The following COL24A1 variants were observed in gnomAD, a reference collection of about 807,000 sequenced individuals.
COL24A1 encodes collagen alpha-1(XXIV) chain.
COL24A1 carries 224 observed loss-of-function variants against 253.9 expected under a neutral mutation model. That is an observed-to-expected ratio of 0.88 (90% CI 0.79 to 0.99). COL24A1 has a LOEUF of 0.99. COL24A1 is among the 50% of genes least tolerant of loss of function. The probability of loss-of-function intolerance (pLI) is 0.00; values close to 1 mark genes in which losing one functional copy is unlikely to be tolerated. For synonymous variants in COL24A1, 685 were observed against 673.7 expected, an observed-to-expected ratio of 1.02 and a Z score of -0.26; for missense variants, 2,131 against 2,068.5, an observed-to-expected ratio of 1.03 and a Z score of -0.59.
chr1:85,926,984 G>T (rs1181780699), intron 24 of COL24A1, among the ~76,000 whole-genome samples: 1 of 152,210 alleles, frequency 6.6e-6, no homozygotes, highest in Non-Finnish European at 1.5e-5. Context: ...GCAATCACCA[G>T]GTTGATGGTA....
chr1:86,037,386 A>G (rs1699119767), intron 12 of COL24A1, among the ~76,000 whole-genome samples: 1 of 152,198 alleles, frequency 6.6e-6, no homozygotes, highest in African/African-American at 2.4e-5. Context: ...GCCTGGAGCT[A>G]GAGACTTCTC....
chr1:85,985,005 AT>A (rs1289804624), intron 20 of COL24A1, among the ~76,000 whole-genome samples: 1 of 151,934 alleles, frequency 6.6e-6, no homozygotes, highest in African/African-American at 2.4e-5. Context: ...TCACTGAGTT[AT>A]TTATATGTGC....
At chr1:85,917,928 G>A (rs1215219126) in intron 24 of COL24A1, among the ~76,000 whole-genome samples, 2 of 152,020 alleles carry the variant, frequency 1.3e-5, no homozygotes, top group Non-Finnish European at 2.9e-5. Context: ...AGCTGGTCTC[G>A]AACTCCTGAC....
At chr1:86,080,552 T>C (rs1232883121) in intron 7 of COL24A1, among the ~76,000 whole-genome samples, 1 of 152,106 alleles carries the variant, frequency 6.6e-6, no homozygotes, top group Non-Finnish European at 1.5e-5. Context: ...CCCATGAATA[T>C]ATACACTTAC....
At position 85,763,616 on chromosome 1, in the gene COL24A1, C is replaced by T. The variant is rs924608372; in HGVS notation, c.4375-2050G>A. 4.0e-5 allele frequency among the ~76,000 whole-genome samples: 6 copies of T among 151,002 alleles called. No homozygotes were observed. In the East Asian group the frequency reaches 8.0e-4, roughly 20 times the overall value. ...AAGTCATTCTCCTGCCTCAGCCTTC[C>T]GAGTAGCTGGGACTACAGGCGTGCG... On this transcript the variant is annotated intron_variant, in intron 53 of 59. Transcript: ENST00000370571.
intron 37 of COL24A1, among the ~76,000 whole-genome samples, chr1:85,851,124 T>C (rs1677724499): frequency 6.6e-6 from 1 of 151,844 alleles, no homozygotes; most frequent in Admixed American, 6.6e-5. Context: ...TCTTGAATTT[T>C]ATTGTTCCTA....
chr1:86,082,928 C>T (rs1430577435), intron 7 of COL24A1, among the ~76,000 whole-genome samples: 4 of 151,824 alleles, frequency 2.6e-5, no homozygotes, highest in Non-Finnish European at 4.4e-5. Context: ...ATCATGTGGA[C>T]GCTCAAAATA....
intron 10 of COL24A1, among the ~76,000 whole-genome samples, chr1:86,055,990 C>G (rs1434354880): frequency 6.6e-6 from 1 of 151,672 alleles, no homozygotes; most frequent in South Asian, 2.1e-4. Flanking sequence ...TGGTGGCAGG[C>G]GCCTGTAGTC....
At chr1:85,788,177 A>G (rs1669881775) in intron 47 of COL24A1, among the ~76,000 whole-genome samples, 1 of 151,254 alleles carries the variant, frequency 6.6e-6, no homozygotes, top group South Asian at 2.1e-4. Context: ...TGCAAGCTCC[A>G]CCTCCTGGGT....
intron 57 of COL24A1, among the ~76,000 whole-genome samples, chr1:85,742,538 G>A (rs1664764448): frequency 6.6e-6 from 1 of 152,052 alleles, no homozygotes; most frequent in South Asian, 2.1e-4. Context: ...CCCTTACTTA[G>A]GATCTCCTTC....
intron 13 of COL24A1, among the ~76,000 whole-genome samples, chr1:86,032,444 C>T (rs1326808681): frequency 1.3e-5 from 2 of 151,956 alleles, no homozygotes; most frequent in Admixed American, 1.3e-4. Context: ...GTAAAGGCAC[C>T]ATAAAAATGT....
At chr1:85,857,567 T>C (rs1678585453) in intron 37 of COL24A1, among the ~76,000 whole-genome samples, 1 of 151,786 alleles carries the variant, frequency 6.6e-6, no homozygotes, top group South Asian at 2.1e-4. Flanking sequence ...AAGATTACCC[T>C]GTCCCAATTA....
At chr1:85,826,751 C>T (rs1391412036) in intron 43 of COL24A1, among the ~76,000 whole-genome samples, 1 of 151,452 alleles carries the variant, frequency 6.6e-6, no homozygotes, top group Non-Finnish European at 1.5e-5. Context: ...TATAAGAATG[C>T]TTGTGATTTT....
At chr1:86,002,885 C>G (rs1357916782) in intron 19 of COL24A1, among the ~76,000 whole-genome samples, 1 of 152,130 alleles carries the variant, frequency 6.6e-6, no homozygotes, top group Non-Finnish European at 1.5e-5. Context: ...AGGAGCAAAC[C>G]ATTCTATACC....
intron 41 of COL24A1, among the ~76,000 whole-genome samples, 196 bp from the exon 42 acceptor site, chr1:85,841,474 G>GT (rs1462759929): frequency 6.6e-6 from 1 of 151,982 alleles, no homozygotes; most frequent in Non-Finnish European, 1.5e-5. Context: ...CTTCTTGGAG[G>GT]TATCAATCTC....
chr1:85,896,093 T>C, intron 29 of COL24A1, 28 bp from the exon 30 acceptor site: 1 of 1,607,370 alleles, frequency 6.2e-7, no homozygotes, highest in Non-Finnish European at 8.5e-7. Context: ...CCAGGTGAGT[T>C]AGTAAGAATG....
At chr1:85,805,365 A>G (rs1671856336) in intron 47 of COL24A1, among the ~76,000 whole-genome samples, 1 of 152,230 alleles carries the variant, frequency 6.6e-6, no homozygotes, top group South Asian at 2.1e-4. Context: ...AGATGATATT[A>G]TCTACCTAAA....
chr1:85,922,592 T>TA (rs1686646836), intron 24 of COL24A1, among the ~76,000 whole-genome samples: 1 of 152,078 alleles, frequency 6.6e-6, no homozygotes, highest in Non-Finnish European at 1.5e-5. Context: ...GAAGGAGAAA[T>TA]AAAATCCTTT....
intron 31 of COL24A1, among the ~76,000 whole-genome samples, chr1:85,895,122 T>C (rs1274046401): frequency 1.3e-5 from 2 of 152,196 alleles, no homozygotes; most frequent in African/African-American, 4.8e-5. Context: ...ACATGTACTA[T>C]CTTACATGTC....
Sources: gnomAD v4.1 joint callset for allele counts (sites outside exome capture counted in the v4.1 genomes callset) on GRCh38, gnomAD v4.1.1 for gene constraint, MANE v1.5 for transcripts, NCBI Gene and HGNC (gene_info 2026-07-23, HGNC 2026-07-21) for gene names.